CACNA2D3: variants seen among roughly 807,000 people sequenced by gnomAD.
CACNA2D3 encodes the protein voltage-dependent calcium channel subunit alpha-2/delta-3.
CACNA2D3 carries 60 observed loss-of-function variants against 160.6 expected under a neutral mutation model. The ratio of observed to expected loss-of-function variants is 0.37; its 90% confidence interval spans 0.30 to 0.46. The LOEUF is 0.46. CACNA2D3 is among the 20% of genes least tolerant of loss of function. The probability of loss-of-function intolerance (pLI) is 1.00; values close to 1 mark genes in which losing one functional copy is unlikely to be tolerated. For synonymous variants in CACNA2D3, 558 were observed against 492.9 expected (o/e 1.13, Z -1.75); for missense variants, 1,205 against 1,365.0 (o/e 0.88, Z 1.85).
intron 31 of CACNA2D3, among the ~76,000 whole-genome samples, 179 bp downstream of exon 31, chr3:54,987,932 G>A (rs1251936375): frequency 6.6e-6 from 1 of 152,196 alleles, no homozygotes; most frequent in Non-Finnish European, 1.5e-5. Context: ...GAGTGTTAGA[G>A]TCTTAGAAAC....
chr3:54,580,354 A>G (rs989443508), intron 8 of CACNA2D3, among the ~76,000 whole-genome samples: 1 of 152,090 alleles, frequency 6.6e-6, no homozygotes, highest in Non-Finnish European at 1.5e-5. Flanking sequence ...GAGCAGCTTT[A>G]GGTCTAGCCC....
chr3:54,365,320 A>G (rs1173943169), intron 3 of CACNA2D3, among the ~76,000 whole-genome samples: 1 of 152,202 alleles, frequency 6.6e-6, no homozygotes, highest in African/African-American at 2.4e-5. Flanking sequence ...TCCAGCAGAT[A>G]AGATGTGTCT....
At chr3:54,651,512 G>A (rs1262571290) in intron 11 of CACNA2D3, among the ~76,000 whole-genome samples, 1 of 152,056 alleles carries the variant, frequency 6.6e-6, no homozygotes, top group Non-Finnish European at 1.5e-5. Flanking sequence ...GCCTGGTGAG[G>A]ACTGCAAGGA....
intron 21 of CACNA2D3, among the ~76,000 whole-genome samples, chr3:54,884,895 A>AT: frequency 6.6e-6 from 1 of 152,338 alleles, no homozygotes; most frequent in Non-Finnish European, 1.5e-5. Flanking sequence ...ACCTGTTGAC[A>AT]TCACACAGGA....
intron 3 of CACNA2D3, among the ~76,000 whole-genome samples, chr3:54,327,858 T>C (rs1274184746): frequency 1.3e-5 from 2 of 152,178 alleles, no homozygotes; most frequent in East Asian, 1.9e-4. Flanking sequence ...TTCTAAAACA[T>C]TGGATTATTC....
At chr3:55,057,307 C>G (rs1413942572) in intron 35 of CACNA2D3, among the ~76,000 whole-genome samples, 1 of 152,190 alleles carries the variant, frequency 6.6e-6, no homozygotes, top group Non-Finnish European at 1.5e-5. Flanking sequence ...TGTAAACAAT[C>G]TTAATCATTC....
intron 2 of CACNA2D3, among the ~76,000 whole-genome samples, chr3:54,311,155 C>A (rs1703731849): frequency 1.3e-5 from 2 of 152,162 alleles, no homozygotes; most frequent in African/African-American, 4.8e-5. Flanking sequence ...TTCCACTGGG[C>A]CCATCGTGGT....
chr3:54,678,720 C>CAAAA lies in CACNA2D3; in HGVS notation c.1167+36505_1167+36508dup, dbSNP rs71096434. ...TGGGTGACAGAGTGAGACTCGGTCT[C>CAAAA]AAAAAAAAAAAAAAAAAAAAAAAAA... On this transcript the variant is annotated intron_variant, in intron 11 of 37. Coordinates refer to ENST00000474759, the MANE Select transcript of CACNA2D3 (RefSeq NM_018398.3). Among the ~76,000 whole-genome samples, 26 of 45,914 alleles carry CAAAA rather than the reference C, an allele frequency of 5.7e-4. 5 individuals are homozygous for CAAAA. Among genetic ancestry groups the CAAAA allele is most frequent in the African/African-American group, 1.7e-3 (18 of 10,316 alleles). The allele number at this position is 45,914 out of a possible 152,430, so 30.1% of individuals were successfully genotyped here.
chr3:54,493,091 T>TA (rs1701140336), intron 4 of CACNA2D3, among the ~76,000 whole-genome samples: 1 of 41,782 alleles, frequency 2.4e-5, no homozygotes, highest in Non-Finnish European at 5.2e-5. Flanking sequence ...TTTTTTTTTT[T>TA]TTTGGAGACG....
intron 5 of CACNA2D3, among the ~76,000 whole-genome samples, chr3:54,528,488 A>G (rs930646469): frequency 6.6e-6 from 1 of 152,106 alleles, no homozygotes. Context: ...TTCCTTTAGT[A>G]TCACATAAAA....
intron 5 of CACNA2D3, among the ~76,000 whole-genome samples, chr3:54,506,822 G>A (rs920953839): frequency 1.3e-5 from 2 of 152,150 alleles, no homozygotes; most frequent in African/African-American, 4.8e-5. Flanking sequence ...TACCTTTAGA[G>A]CCGTAAATGA....
At chr3:54,284,812 A>G (rs1164521162) in intron 2 of CACNA2D3, among the ~76,000 whole-genome samples, 1 of 152,226 alleles carries the variant, frequency 6.6e-6, no homozygotes, top group Non-Finnish European at 1.5e-5. Flanking sequence ...AAAATAAGGG[A>G]TTGGCTAAAT....
At chr3:54,598,343 AAAAAAAG>A (rs1404045498) in intron 9 of CACNA2D3, among the ~76,000 whole-genome samples, 2 of 150,908 alleles carry the variant, frequency 1.3e-5, no homozygotes, top group Admixed American at 6.6e-5. Flanking sequence ...GAAGAAAGGA[AAAAAAAG>A]AAAAAAGAAA....
intron 11 of CACNA2D3, among the ~76,000 whole-genome samples, chr3:54,720,053 C>T (rs543327629): frequency 1.8e-3 from 271 of 151,894 alleles, no homozygotes; most frequent in African/African-American, 6.0e-3. Flanking sequence ...ATCCATCTTG[C>T]TTAAGGATTT....
intron 13 of CACNA2D3, among the ~76,000 whole-genome samples, chr3:54,787,371 C>A (rs2106639189): frequency 6.6e-6 from 1 of 152,206 alleles, no homozygotes; most frequent in South Asian, 2.1e-4. Flanking sequence ...CATGATGTAT[C>A]TTTTATTTTC....
chr3:54,286,513 T>A (rs1261903568), intron 2 of CACNA2D3, among the ~76,000 whole-genome samples: 4 of 152,206 alleles, frequency 2.6e-5, no homozygotes, highest in Admixed American at 6.5e-5. Context: ...CTGCAGGATA[T>A]TATCCAGGAG....
intron 2 of CACNA2D3, among the ~76,000 whole-genome samples, chr3:54,281,730 T>A (rs1702885987): frequency 6.6e-6 from 1 of 152,254 alleles, no homozygotes; most frequent in Non-Finnish European, 1.5e-5. Context: ...CTGAAAATGA[T>A]ACAGCTTAAG....
intron 4 of CACNA2D3, among the ~76,000 whole-genome samples, chr3:54,390,486 A>G (rs1699260744): frequency 6.6e-6 from 1 of 152,218 alleles, no homozygotes; most frequent in Non-Finnish European, 1.5e-5. Flanking sequence ...TGTACAACAA[A>G]AGCATCAGAG....
intron 4 of CACNA2D3, among the ~76,000 whole-genome samples, chr3:54,465,575 T>C (rs981624508): frequency 1.3e-5 from 2 of 152,196 alleles, no homozygotes; most frequent in Admixed American, 1.3e-4. Flanking sequence ...ACTCTTGGTT[T>C]ATGTTCTGGG....
Sources: allele counts gnomAD v4.1 joint callset (sites outside exome capture counted in the v4.1 genomes callset), GRCh38; gene constraint gnomAD v4.1.1; transcripts MANE v1.5; gene names NCBI Gene and HGNC (gene_info 2026-07-23, HGNC 2026-07-21).